Variants in CTIF observed in about 807,000 individuals in gnomAD.
CTIF encodes the protein CBP80/20-dependent translation initiation factor.
A neutral mutation model predicts 66.0 loss-of-function variants in CTIF; 21 were observed. The ratio of observed to expected loss-of-function variants is 0.32; its 90% CI spans 0.23 to 0.46. The LOEUF is 0.46. Ranked by LOEUF, CTIF falls within the 20% of genes least tolerant of loss-of-function variation. The probability of loss-of-function intolerance (pLI) is 1.00; values close to 1 mark genes in which losing one functional copy is unlikely to be tolerated. For synonymous variants in CTIF, 345 were observed against 326.4 expected (o/e 1.06, Z -0.62); for missense variants, 739 against 812.7 (o/e 0.91, Z 1.10).
intron 1 of CTIF, among the ~76,000 whole-genome samples, chr18:48,545,403 A>C (rs2088722135): frequency 6.6e-6 from 1 of 152,008 alleles, no homozygotes. Context: ...TCTCCACGGC[A>C]TCCAGGTCAT....
At chr18:48,824,454 T>G (rs2068542822) in intron 10 of CTIF, among the ~76,000 whole-genome samples, 1 of 152,076 alleles carries the variant, frequency 6.6e-6, no homozygotes, top group African/African-American at 2.4e-5. Flanking sequence ...GAGCCTTCAT[T>G]CCCTGACCCT....
chr18:48,798,732 G>T (rs1398220606), intron 9 of CTIF, among the ~76,000 whole-genome samples: 1 of 152,168 alleles, frequency 6.6e-6, no homozygotes, highest in Non-Finnish European at 1.5e-5. Flanking sequence ...CCCATGGGTG[G>T]GAGCATTGGG....
At chr18:48,832,513 G>A (rs6507870) in intron 10 of CTIF, among the ~76,000 whole-genome samples, 136,855 of 152,210 alleles carry the variant, frequency 0.9, 61,562 homozygotes, top group East Asian at 1. Flanking sequence ...GGCCAGTTGC[G>A]TGACAGGGAT....
At chr18:48,672,123 G>A (rs1183152859) in intron 6 of CTIF, among the ~76,000 whole-genome samples, 1 of 149,994 alleles carries the variant, frequency 6.7e-6, no homozygotes, top group Non-Finnish European at 1.5e-5. Context: ...ATTCACATGG[G>A]TACCCTTAGG....
intron 10 of CTIF, among the ~76,000 whole-genome samples, chr18:48,830,628 G>A (rs2068670678): frequency 6.6e-6 from 1 of 152,148 alleles, no homozygotes; most frequent in Non-Finnish European, 1.5e-5. Flanking sequence ...AAAAAATGTG[G>A]AAGAACACAG....
At chr18:48,625,399 A>G (rs186988910) in intron 2 of CTIF, among the ~76,000 whole-genome samples, 16 of 152,366 alleles carry the variant, frequency 1.1e-4, no homozygotes, top group South Asian at 4.1e-4. Context: ...CTGAGCTAAA[A>G]TTATTTTAAA....
intron 10 of CTIF, among the ~76,000 whole-genome samples, chr18:48,834,998 C>T (rs1044668223): frequency 6.6e-6 from 1 of 152,222 alleles, no homozygotes; most frequent in African/African-American, 2.4e-5. Context: ...GAAAAGCACC[C>T]TCTGTGAGAA....
intron 10 of CTIF, among the ~76,000 whole-genome samples, chr18:48,840,936 CCTT>C (rs1401142735): frequency 6.9e-6 from 1 of 144,266 alleles, no homozygotes; most frequent in Non-Finnish European, 1.5e-5. Flanking sequence ...AAGTGTTGAT[CCTT>C]CTTCAATACA....
At chr18:48,825,009 C>T (rs187286628) in intron 10 of CTIF, among the ~76,000 whole-genome samples, 14 of 152,274 alleles carry the variant, frequency 9.2e-5, no homozygotes, top group African/African-American at 3.4e-4. Context: ...CCTCTCTCTC[C>T]CCTGAACATC....
intron 7 of CTIF, among the ~76,000 whole-genome samples, chr18:48,713,832 T>C (rs2092253310): frequency 6.6e-6 from 1 of 152,242 alleles, no homozygotes; most frequent in South Asian, 2.1e-4. Context: ...GACAGACTTA[T>C]GGAGCAAACA....
At chr18:48,607,460 G>A (rs1034372764) in intron 1 of CTIF, among the ~76,000 whole-genome samples, 2 of 152,220 alleles carry the variant, frequency 1.3e-5, no homozygotes, top group African/African-American at 2.4e-5. Context: ...ATCAGCAGCC[G>A]TCTGCTAATA....
chr18:48,634,775 G>T (rs1357605592), intron 2 of CTIF, among the ~76,000 whole-genome samples: 1 of 152,226 alleles, frequency 6.6e-6, no homozygotes, highest in East Asian at 1.9e-4. Context: ...TGACACCGTT[G>T]CCACTTCTCT....
At chr18:48,673,702 G>A (rs1015361392) in intron 6 of CTIF, 1 of 152,200 alleles carries the variant, frequency 6.6e-6, no homozygotes, top group Non-Finnish European at 1.5e-5. Flanking sequence ...AGAGCTGGAG[G>A]GTCGTGTTCT....
At chr18:48,787,301 C>T (rs141116992) in intron 9 of CTIF, among the ~76,000 whole-genome samples, 461 of 148,786 alleles carry the variant, frequency 3.1e-3, no homozygotes, top group Middle Eastern at 0.017. Flanking sequence ...GAAGGGGAGG[C>T]GGGGAAAGGG....
rs181573584 is a variant in CTIF at position 48,618,020 on chromosome 18, C to T, written c.-28-1518C>T. On this transcript the variant is annotated intron_variant, in intron 1 of 11. Transcript: ENST00000256413. ...GTGCACAGCAGGGCGGTTCTCCTTC[C>T]CCCGGGCAGTTCTTCCTCTCCATTC... 7.6e-3 allele frequency among the ~76,000 whole-genome samples: 1,154 copies of T among 152,300 alleles called. 12 individuals carry two copies. Among genetic ancestry groups the T allele is most frequent in the Admixed American group, 0.012 (189 of 15,286 alleles).
intron 7 of CTIF, among the ~76,000 whole-genome samples, chr18:48,751,944 TATTCATTCATTCATTCATTC>T (rs71976839): frequency 1.3e-5 from 2 of 150,914 alleles, no homozygotes; most frequent in African/African-American, 2.4e-5. Context: ...CATCATTTAT[TATTCATTCATTCATTCATTC>T]ATTCATTCAT....
intron 1 of CTIF, among the ~76,000 whole-genome samples, chr18:48,575,634 G>T (rs947229121): frequency 6.6e-6 from 1 of 152,196 alleles, no homozygotes; most frequent in African/African-American, 2.4e-5. Context: ...CCCTCTGAGG[G>T]GATGGAAGGT....
intron 9 of CTIF, among the ~76,000 whole-genome samples, chr18:48,774,222 G>A (rs2145989366): frequency 1.3e-5 from 2 of 152,284 alleles, no homozygotes; most frequent in Middle Eastern, 6.8e-3. Flanking sequence ...CCTACTTCTA[G>A]GTCTTCCCTC....
chr18:48,739,115 C>G (rs1453170733), intron 7 of CTIF, among the ~76,000 whole-genome samples: 1 of 152,218 alleles, frequency 6.6e-6, no homozygotes, highest in Non-Finnish European at 1.5e-5. Flanking sequence ...CTCCCAGGGC[C>G]TGTGACATTG....
Sources: gnomAD v4.1 joint callset for allele counts (sites outside exome capture counted in the v4.1 genomes callset) on GRCh38, gnomAD v4.1.1 for gene constraint, MANE v1.5 for transcripts, NCBI Gene and HGNC (gene_info 2026-07-23, HGNC 2026-07-21) for gene names.